Variants in SLC14A2 observed in about 807,000 individuals in gnomAD.
The protein encoded by SLC14A2 is solute carrier family 14 member 2, also known as urea transporter 2.
In SLC14A2, 91 loss-of-function variants were observed where a neutral mutation model predicts 104.6. The ratio of observed to expected loss-of-function variants is 0.87; its 90% CI spans 0.73 to 1.04. SLC14A2 has a LOEUF of 1.04. Ranked by LOEUF, SLC14A2 falls within the 50% of genes least tolerant of loss-of-function variation. The probability of loss-of-function intolerance (pLI) is 0.00; values close to 1 mark genes in which losing one functional copy is unlikely to be tolerated. For synonymous variants in SLC14A2, 476 were observed against 466.4 expected (o/e 1.02, Z -0.27); for missense variants, 1,189 against 1,156.0 (o/e 1.03, Z -0.41).
intron 1 of SLC14A2, among the ~76,000 whole-genome samples, chr18:45,453,210 T>C (rs1458240867): frequency 6.6e-6 from 1 of 152,138 alleles, no homozygotes. Flanking sequence ...TCCCACTAGC[T>C]GTCCCCAAAA....
Position 45,669,457 on chromosome 18 carries a change from G to T in SLC14A2, c.2188G>T (p.Ala730Ser). 1 of 1,613,914 alleles carries T rather than the reference G, an allele frequency of 6.2e-7. No individual in the cohort carries two copies. The highest frequency in any genetic ancestry group is 1.1e-5 in the South Asian group (1 of 91,050). The change falls in exon 16 of 20, where the codon GCC becomes TCC. Residue 730 changes from alanine to serine, a missense_variant. Physicochemically the swap from Ala to Ser is moderately conservative, Grantham distance 99. Coordinates refer to ENST00000255226, the MANE Select transcript of SLC14A2 (RefSeq NM_007163.4). ...CACAACGCTGCTGCAGCCTGCATCC[G>T]CCATGCCCAACATCACCTGGTCAGA... is the stretch of plus-strand genomic sequence containing the variant. ...FPTTLLQPAS[A>S]MPNITWSEVQ... is the part of the protein sequence containing the mutation.
At chr18:45,553,843 C>G (rs944353125) in intron 2 of SLC14A2, among the ~76,000 whole-genome samples, 12 of 152,094 alleles carry the variant, frequency 7.9e-5, no homozygotes, top group Admixed American at 2.0e-4. Context: ...TTCTTTCCCT[C>G]CTAAAGTCAG....
Position 45,372,253 on chromosome 18 carries a change from A to T in SLC14A2, c.-124-110980A>T, listed in dbSNP as rs1423075639. Among the ~76,000 whole-genome samples, 5 of 152,184 alleles carry T rather than the reference A, an allele frequency of 3.3e-5. No individual in the cohort carries two copies. The East Asian group carries it at 9.7e-4, about 29-fold the overall frequency. On this transcript the variant is annotated intron_variant, in intron 1 of 20. Coordinates refer to the SLC14A2 transcript ENST00000586448. ...CTTGAGCCCAGGAGGCGGAGGTTGC[A>T]GTGAGTCAAGATCATGCCACTGCAC... is the stretch of plus-strand genomic sequence containing the variant.
At chr18:45,284,331 G>A (rs2084792023) in intron 1 of SLC14A2, among the ~76,000 whole-genome samples, 1 of 152,116 alleles carries the variant, frequency 6.6e-6, no homozygotes, top group Non-Finnish European at 1.5e-5. Context: ...TCTGGCTTTT[G>A]ACTTGGTTTG....
exon 1 of SLC14A2, chr18:45,213,063 C>T (rs1199079185): frequency 6.6e-6 from 1 of 152,364 alleles, no homozygotes; most frequent in Non-Finnish European, 1.5e-5. Flanking sequence ...TTGGCAGACC[C>T]TTTCCAGTTT....
At chr18:45,316,352 A>G (rs1456846947) in intron 1 of SLC14A2, among the ~76,000 whole-genome samples, 1 of 152,178 alleles carries the variant, frequency 6.6e-6, no homozygotes, top group Non-Finnish European at 1.5e-5. Context: ...GCAGTGCATC[A>G]GAGGTTGAGA....
At chr18:45,653,060 G>A (rs2045767854) in intron 10 of SLC14A2, among the ~76,000 whole-genome samples, 1 of 151,972 alleles carries the variant, frequency 6.6e-6, no homozygotes, top group South Asian at 2.1e-4. Context: ...GAGAAGCCAG[G>A]GCAAGAGAAC....
intron 1 of SLC14A2, among the ~76,000 whole-genome samples, chr18:45,256,083 T>G (rs2084475138): frequency 6.6e-6 from 1 of 152,102 alleles, no homozygotes; most frequent in Admixed American, 6.5e-5. Context: ...GTTCTGGAGG[T>G]GCCGGAACAA....
At chr18:45,396,302 A>T (rs1467051816) in intron 1 of SLC14A2, among the ~76,000 whole-genome samples, 2 of 152,186 alleles carry the variant, frequency 1.3e-5, no homozygotes, top group Non-Finnish European at 2.9e-5. Flanking sequence ...CATACAAGCT[A>T]TTGGTAAAAT....
chr18:45,404,952 T>G (rs2086137355), intron 1 of SLC14A2, among the ~76,000 whole-genome samples: 1 of 152,172 alleles, frequency 6.6e-6, no homozygotes, highest in South Asian at 2.1e-4. Flanking sequence ...TTGTTCTCAG[T>G]GCCACCAGCA....
At chr18:45,177,889 G>A in the SLC14A2 span, among the ~76,000 whole-genome samples, 7 of 152,238 alleles carry the variant, frequency 4.6e-5, no homozygotes, top group South Asian at 2.1e-4. Flanking sequence ...TTAGATGAAG[G>A]CAGAGTAAGG....
chr18:45,280,160 C>A (rs2084747202), intron 1 of SLC14A2, among the ~76,000 whole-genome samples: 1 of 152,182 alleles, frequency 6.6e-6, no homozygotes, highest in South Asian at 2.1e-4. Context: ...CCAGAGCACA[C>A]AACTAATGAG....
chr18:45,320,927 T>C (rs17743054), intron 1 of SLC14A2, among the ~76,000 whole-genome samples: 40,815 of 152,056 alleles, frequency 0.27, 5,554 homozygotes, highest in South Asian at 0.33. Context: ...GATTGCATCA[T>C]CAGTGCTCAT....
chr18:45,214,392 G>T (rs947389121), intron 1 of SLC14A2, among the ~76,000 whole-genome samples: 1 of 152,142 alleles, frequency 6.6e-6, no homozygotes, highest in Non-Finnish European at 1.5e-5. Context: ...GAGATAGAGA[G>T]GGAGGAAAGG....
chr18:45,632,239 C>A, intron 4 of SLC14A2, 111 bp from the exon 5 acceptor site: 2 of 1,394,114 alleles, frequency 1.4e-6, no homozygotes, highest in Non-Finnish European at 1.9e-6. Flanking sequence ...TTTTTCTAAG[C>A]ATTATTATTA....
rs550207555 is a variant in SLC14A2, at chr18:45,215,058, C to CT, written c.-125+1868dup. 3.3e-5 allele frequency among the ~76,000 whole-genome samples: 5 copies of CT among 151,920 alleles called. No individual in the cohort carries two copies. In the South Asian group the frequency reaches 1.0e-3, roughly 32 times the overall value. ...GTGAGGACTGGATGGTCAGGGAAGG[C>CT]TGTAGGAATGAGATGAAATTTGAAA... On this transcript the variant is annotated intron_variant, in intron 1 of 20. Coordinates refer to the SLC14A2 transcript ENST00000586448.
chr18:45,403,433 G>C (rs939406540), intron 1 of SLC14A2, among the ~76,000 whole-genome samples: 1 of 152,158 alleles, frequency 6.6e-6, no homozygotes, highest in Non-Finnish European at 1.5e-5. Context: ...GCTAGTAATA[G>C]CAATAATTGC....
At chr18:45,408,626 A>T (rs2086181725) in intron 1 of SLC14A2, among the ~76,000 whole-genome samples, 1 of 152,228 alleles carries the variant, frequency 6.6e-6, no homozygotes. Context: ...AATGTGGATT[A>T]ATGAGGCCAT....
At chr18:45,190,093 T>A in the SLC14A2 span, among the ~76,000 whole-genome samples, 9 of 152,214 alleles carry the variant, frequency 5.9e-5, no homozygotes, top group African/African-American at 2.2e-4. Flanking sequence ...GCAGGTGAGA[T>A]AAGAATAATT....
Sources: gnomAD v4.1 joint callset for allele counts (sites outside exome capture counted in the v4.1 genomes callset) on GRCh38, gnomAD v4.1.1 for gene constraint, MANE v1.5 for transcripts, NCBI Gene and HGNC (gene_info 2026-07-23, HGNC 2026-07-21) for gene names.